The following PTPRT variants were observed in gnomAD, a reference collection of about 807,000 sequenced individuals.
The protein encoded by PTPRT is receptor-type tyrosine-protein phosphatase T.
PTPRT carries 56 observed loss-of-function variants against 176.8 expected under a neutral mutation model. The observed-to-expected ratio is 0.32, with a 90% confidence interval of 0.26 to 0.40. The LOEUF is 0.40. Ranked by LOEUF, PTPRT falls within the 10% of genes least tolerant of loss-of-function variation. The pLI is 1.00. For synonymous variants in PTPRT, 783 were observed against 739.0 expected (o/e 1.06, Z -0.96); for missense variants, 1,540 against 1,908.2 (o/e 0.81, Z 3.60).
intron 14 of PTPRT, among the ~76,000 whole-genome samples, chr20:42,247,010 G>A (rs1402187327): frequency 1.3e-5 from 2 of 152,198 alleles, no homozygotes; most frequent in Admixed American, 1.3e-4. Flanking sequence ...GACATATAAT[G>A]TGGCCATGTG....
In PTPRT at chr20:42,243,611, T is replaced by C. The variant is rs1363944645; in HGVS notation, c.2312+5076A>G. On this transcript the variant is annotated intron_variant, in intron 14 of 30. Transcript: ENST00000373187. ...TGCTCAAAAGAAGAAAATAGCGAAA[T>C]TGGGAAAAACAAGCCCCAGAGAGGA... Among the ~76,000 whole-genome samples the C allele has an allele frequency of 2.6e-5, 4 of 152,066 alleles. No homozygotes were observed. In the East Asian group the frequency reaches 7.7e-4, roughly 29 times the overall value.
At chr20:42,638,347 C>T (rs778158580) in intron 7 of PTPRT, among the ~76,000 whole-genome samples, 4 of 152,016 alleles carry the variant, frequency 2.6e-5, no homozygotes, top group Non-Finnish European at 4.4e-5. Context: ...CTTTGCCCTG[C>T]CTGAGCGGTC....
intron 18 of PTPRT, among the ~76,000 whole-genome samples, chr20:42,131,413 C>A (rs1988117105): frequency 6.6e-6 from 1 of 152,214 alleles, no homozygotes; most frequent in Non-Finnish European, 1.5e-5. Flanking sequence ...TTGAGTTATG[C>A]CTGCCCCTGG....
At chr20:42,334,176 G>T (rs1287501976) in intron 11 of PTPRT, among the ~76,000 whole-genome samples, 2 of 152,096 alleles carry the variant, frequency 1.3e-5, no homozygotes, top group South Asian at 2.1e-4. Flanking sequence ...TCTCAATCTT[G>T]GCACTACTGA....
chr20:42,298,579 A>G (rs1409891161), intron 12 of PTPRT, among the ~76,000 whole-genome samples: 1 of 152,232 alleles, frequency 6.6e-6, no homozygotes, highest in Non-Finnish European at 1.5e-5. Flanking sequence ...AGATATTGAA[A>G]ACAATATAGC....
chr20:42,097,651 T>A (rs1985401188), intron 27 of PTPRT, among the ~76,000 whole-genome samples: 1 of 152,228 alleles, frequency 6.6e-6, no homozygotes, highest in Admixed American at 6.5e-5. Context: ...CAGGTCTGTT[T>A]AAAAAATTTT....
intron 9 of PTPRT, among the ~76,000 whole-genome samples, chr20:42,354,436 T>C (rs1264271498): frequency 1.3e-5 from 2 of 152,144 alleles, no homozygotes; most frequent in African/African-American, 4.8e-5. Context: ...GACACCGTAC[T>C]AGGCAGGTCT....
chr20:42,476,338 G>A (rs1422979322), intron 7 of PTPRT, among the ~76,000 whole-genome samples: 1 of 152,148 alleles, frequency 6.6e-6, no homozygotes, highest in Non-Finnish European at 1.5e-5. Flanking sequence ...ACAAATGGCA[G>A]AATATTGGGT....
intron 8 of PTPRT, among the ~76,000 whole-genome samples, chr20:42,456,596 T>C (rs1229252246): frequency 3.3e-5 from 5 of 152,122 alleles, no homozygotes; most frequent in Non-Finnish European, 5.9e-5. Context: ...TTTTTCTGTA[T>C]CTACTGTAGT....
intron 17 of PTPRT, among the ~76,000 whole-genome samples, chr20:42,148,004 G>C (rs1221313731): frequency 6.6e-6 from 1 of 152,212 alleles, no homozygotes; most frequent in Non-Finnish European, 1.5e-5. Context: ...CATCTTCAAA[G>C]TGAGCAAGCT....
chr20:42,159,483 G>C (rs1568978889), intron 17 of PTPRT, among the ~76,000 whole-genome samples: 3 of 150,266 alleles, frequency 2.0e-5, no homozygotes, highest in Middle Eastern at 3.4e-3. Flanking sequence ...CCTGACATTT[G>C]TTCAACAAGC....
chr20:42,324,289 T>C (rs6072685), intron 11 of PTPRT, among the ~76,000 whole-genome samples: 7,754 of 152,278 alleles, frequency 0.051, 287 homozygotes, highest in Non-Finnish European at 0.079. Context: ...TGTATGATTC[T>C]ATTCGTATTT....
chr20:42,099,813 T>C (rs1031428605), intron 26 of PTPRT, among the ~76,000 whole-genome samples: 2 of 111,540 alleles, frequency 1.8e-5, no homozygotes, highest in East Asian at 2.4e-4. Flanking sequence ...ATGCGTGCAT[T>C]GGCTGGGGGG....
At chr20:43,089,681 C>T (rs368153764) in intron 1 of PTPRT, among the ~76,000 whole-genome samples, 2 of 152,168 alleles carry the variant, frequency 1.3e-5, no homozygotes, top group African/African-American at 4.8e-5. Context: ...CATGGAAGCA[C>T]CAGCATGGGT....
chr20:42,324,901 G>T (rs2057859903), intron 11 of PTPRT, among the ~76,000 whole-genome samples: 1 of 152,232 alleles, frequency 6.6e-6, no homozygotes, highest in Non-Finnish European at 1.5e-5. Context: ...GCAGATTAGT[G>T]TCAGAATTAG....
chr20:42,358,184 G>A (rs2058383518), intron 9 of PTPRT, among the ~76,000 whole-genome samples: 1 of 150,244 alleles, frequency 6.7e-6, no homozygotes, highest in African/African-American at 2.4e-5. Context: ...GTTAACATTA[G>A]GGAAAGTTGT....
At chr20:43,111,498 C>G (rs963397929) in intron 1 of PTPRT, among the ~76,000 whole-genome samples, 2 of 139,206 alleles carry the variant, frequency 1.4e-5, no homozygotes, top group Non-Finnish European at 1.5e-5. Context: ...GAGCTGAGAT[C>G]GTGCCACTGC....
chr20:43,080,525 T>C (rs1383006668), intron 1 of PTPRT, among the ~76,000 whole-genome samples: 2 of 152,232 alleles, frequency 1.3e-5, no homozygotes, highest in Non-Finnish European at 2.9e-5. Context: ...TTATTCTCCT[T>C]TTGTCTGTTA....
intron 7 of PTPRT, among the ~76,000 whole-genome samples, chr20:42,620,366 A>T (rs969173573): frequency 6.7e-6 from 1 of 148,714 alleles, no homozygotes; most frequent in African/African-American, 2.6e-5. Context: ...GGGACACTTA[A>T]GTCTGTAGAG....
Sources: allele counts gnomAD v4.1 joint callset (sites outside exome capture counted in the v4.1 genomes callset), GRCh38; gene constraint gnomAD v4.1.1; transcripts MANE v1.5; gene names NCBI Gene and HGNC (gene_info 2026-07-23, HGNC 2026-07-21).